TTLL11: variants seen among roughly 807,000 people sequenced by gnomAD.
TTLL11 encodes tubulin polyglutamylase TTLL11.
A neutral mutation model predicts 51.7 loss-of-function variants in TTLL11; 42 were observed. The ratio of observed to expected loss-of-function variants is 0.81; its 90% CI spans 0.64 to 1.05. TTLL11 has a LOEUF of 1.05. TTLL11 is among the 50% of genes least tolerant of loss of function. TTLL11 has a pLI of 0.00. For synonymous variants in TTLL11, 381 were observed against 383.5 expected, an observed-to-expected ratio of 0.99 and a Z score of 0.08; for missense variants, 799 against 940.4, an observed-to-expected ratio of 0.85 and a Z score of 1.97.
At chr9:122,001,238 G>A (rs1843454362) in intron 3 of TTLL11, among the ~76,000 whole-genome samples, 1 of 152,140 alleles carries the variant, frequency 6.6e-6, no homozygotes, top group African/African-American at 2.4e-5. Flanking sequence ...TGGGATTACA[G>A]GCGTGCACCA....
At chr9:121,991,285 T>C (rs893885662) in intron 3 of TTLL11, among the ~76,000 whole-genome samples, 1 of 152,214 alleles carries the variant, frequency 6.6e-6, no homozygotes, top group African/African-American at 2.4e-5. Flanking sequence ...TCTGGGCTTG[T>C]AAAAGATCTT....
At chr9:121,854,225 C>G (rs896409882) in intron 8 of TTLL11, among the ~76,000 whole-genome samples, 3 of 152,072 alleles carry the variant, frequency 2.0e-5, no homozygotes, top group African/African-American at 7.2e-5. Context: ...AGGCAGCCCC[C>G]GGAGCTGGGC....
chr9:122,004,317 A>G (rs1843572485), intron 3 of TTLL11, among the ~76,000 whole-genome samples: 1 of 151,606 alleles, frequency 6.6e-6, no homozygotes, highest in Non-Finnish European at 1.5e-5. Context: ...AGAAACTAAT[A>G]TGCATTGAGC....
At chr9:121,908,221 G>T (rs1263397373) in intron 6 of TTLL11, among the ~76,000 whole-genome samples, 1 of 152,214 alleles carries the variant, frequency 6.6e-6, no homozygotes, top group African/African-American at 2.4e-5. Context: ...TTCCAAACTT[G>T]CTGGAAGGCT....
intron 6 of TTLL11, among the ~76,000 whole-genome samples, chr9:121,954,180 G>A (rs140893982): frequency 5.9e-5 from 9 of 152,344 alleles, no homozygotes; most frequent in African/African-American, 2.2e-4. Context: ...TGCATCAGCT[G>A]CAGTGACACT....
In TTLL11 at chr9:121,822,745, G is replaced by A. The variant is rs1187615006; in HGVS notation, c.1975C>T (p.Arg659Cys). 22 of 1,551,508 alleles carry A rather than the reference G, an allele frequency of 1.4e-5. No individual in the cohort carries two copies. The highest frequency in any genetic ancestry group is 7.8e-5 in the Admixed American group (4 of 50,990). The change falls in exon 9 of 9, where the codon CGC (arginine) becomes TGC (cysteine). Residue 659 changes from arginine to cysteine, a missense_variant. Arg to Cys is a radical substitution (Grantham distance 180, BLOSUM62 -3). Coordinates refer to ENST00000321582, the MANE Select transcript of TTLL11 (RefSeq NM_001139442.2). This position sits in a 1 kb window ranked among gnomAD's most constrained non-coding sequence, Gnocchi z 5.8. Reference sequence around the variant, plus strand: ...GGGACGCCCCGGCCACACACCAGGCGTTTTTCATCCAGCAGGGACAGGTGG... The same window carrying A: ...GGGACGCCCCGGCCACACACCAGGCATTTTTCATCCAGCAGGGACAGGTGG... ...EYHLSLLDEK[R>C]LVCGRGVPSG...
chr9:121,951,466 T>A (rs1007820178), intron 6 of TTLL11, among the ~76,000 whole-genome samples: 12 of 152,242 alleles, frequency 7.9e-5, no homozygotes, highest in African/African-American at 2.9e-4. Flanking sequence ...TATATTTACA[T>A]AAACTTGCAT....
At chr9:121,882,494 C>T (rs1003470213) in intron 6 of TTLL11, among the ~76,000 whole-genome samples, 3 of 152,200 alleles carry the variant, frequency 2.0e-5, no homozygotes, top group Non-Finnish European at 4.4e-5. Context: ...TGACCACTGT[C>T]TTCCTGAACC....
At chr9:122,073,303 G>A (rs1423462875) in intron 1 of TTLL11, among the ~76,000 whole-genome samples, 3 of 152,060 alleles carry the variant, frequency 2.0e-5, no homozygotes, top group Admixed American at 1.3e-4. Flanking sequence ...CCAGTTACTC[G>A]GGAGGCTGAG....
At chr9:121,982,243 A>G (rs1842843392) in intron 4 of TTLL11, among the ~76,000 whole-genome samples, 1 of 152,160 alleles carries the variant, frequency 6.6e-6, no homozygotes, top group Non-Finnish European at 1.5e-5. Context: ...TTTCTCAGAG[A>G]TCACAGTGCT....
At chr9:121,859,408 G>A (rs1837935158) in intron 8 of TTLL11, among the ~76,000 whole-genome samples, 1 of 152,102 alleles carries the variant, frequency 6.6e-6, no homozygotes, top group African/African-American at 2.4e-5. Flanking sequence ...GGCTGAGGCA[G>A]GATAACTGCT....
chr9:121,996,693 C>G (rs1450789444), intron 3 of TTLL11, among the ~76,000 whole-genome samples: 1 of 152,194 alleles, frequency 6.6e-6, no homozygotes, highest in African/African-American at 2.4e-5. Flanking sequence ...GATATCCAAC[C>G]CTAAGCTCTT....
intron 8 of TTLL11, among the ~76,000 whole-genome samples, chr9:121,825,846 GAA>G (rs770063725): frequency 3.0e-5 from 4 of 134,386 alleles, no homozygotes; most frequent in African/African-American, 2.7e-5. Flanking sequence ...GGCCAATTTG[GAA>G]AAAAAAAAAA....
At chr9:122,012,843 C>G (rs1843852350) in intron 3 of TTLL11, among the ~76,000 whole-genome samples, 1 of 152,068 alleles carries the variant, frequency 6.6e-6, no homozygotes, top group Admixed American at 6.5e-5. Flanking sequence ...TATTCATTTC[C>G]ACATTTTCAA....
intron 6 of TTLL11, among the ~76,000 whole-genome samples, chr9:121,962,019 G>A (rs1385457667): frequency 6.6e-6 from 1 of 152,196 alleles, no homozygotes; most frequent in East Asian, 1.9e-4. Context: ...TCGTGCCACT[G>A]CACTCCAGCT....
chr9:121,861,942 C>A (rs1838024724), intron 7 of TTLL11, among the ~76,000 whole-genome samples: 2 of 152,342 alleles, frequency 1.3e-5, no homozygotes, highest in Non-Finnish European at 2.9e-5. Flanking sequence ...TGGGTCCTTG[C>A]TGCTCTGTGT....
intron 3 of TTLL11, among the ~76,000 whole-genome samples, chr9:122,006,157 T>G (rs1843636178): frequency 2.0e-5 from 3 of 152,060 alleles, no homozygotes; most frequent in Admixed American, 2.0e-4. Flanking sequence ...CTGGCCAACA[T>G]GGTGAAACCC....
intron 8 of TTLL11, among the ~76,000 whole-genome samples, chr9:121,854,396 G>A (rs1837754190): frequency 6.6e-6 from 1 of 152,180 alleles, no homozygotes; most frequent in Non-Finnish European, 1.5e-5. Context: ...TCATGGGAAG[G>A]GGACGTGGGG....
intron 6 of TTLL11, among the ~76,000 whole-genome samples, chr9:121,899,365 G>GTATATA (rs1554766915): frequency 7.1e-5 from 8 of 113,248 alleles, no homozygotes; most frequent in South Asian, 3.4e-4. Flanking sequence ...ATGTGTGTGT[G>GTATATA]TATATATATA....
Sources: allele counts gnomAD v4.1 joint callset (sites outside exome capture counted in the v4.1 genomes callset), GRCh38; gene constraint gnomAD v4.1.1; non-coding constraint Gnocchi (gnomAD v3.1); transcripts MANE v1.5; gene names NCBI Gene and HGNC (gene_info 2026-07-23, HGNC 2026-07-21).